The following TAAR1 variants were observed in gnomAD, a reference collection of about 807,000 sequenced individuals.
TAAR1 encodes trace amine-associated receptor 1.
Under a neutral mutation model 1.2 loss-of-function variants are expected in TAAR1, and 1 was observed. The observed-to-expected ratio is 0.81, with a 90% confidence interval of 0.29 to 3.86. The LOEUF is 3.86. TAAR1 is among the 30% of genes most tolerant of loss of function. The pLI is 0.18. For synonymous variants in TAAR1, 153 were observed against 132.2 expected, an observed-to-expected ratio of 1.16 and a Z score of -1.08; for missense variants, 445 against 405.6, an observed-to-expected ratio of 1.10 and a Z score of -0.83.
chr6:132,657,311 T>C (rs908054787), intron 1 of TAAR1, among the ~76,000 whole-genome samples: 1 of 151,998 alleles, frequency 6.6e-6, no homozygotes, highest in Admixed American at 6.5e-5. Context: ...ATCAGCTCCG[T>C]TCAGTGCAAT....
rs1777670227 is a variant in TAAR1 at position 132,646,151 on chromosome 6, T to C, written c.-126-22A>G. ...AAACCTAGGAGGAAAAATAAAAGAG[T>C]AAATCATTGGCAATTTGAGTCCTCT... On this transcript the variant is annotated intron_variant, in intron 1 of 1. Coordinates refer to ENST00000275216, the MANE Select transcript of TAAR1 (RefSeq NM_138327.4). The C allele has an allele frequency of 5.5e-6, 5 of 908,612 alleles. No homozygotes were observed. In the African/African-American group the frequency reaches 6.7e-5, roughly 12 times the overall value. 56.3% of individuals were successfully genotyped at this position (908,612 alleles called of 1,614,324 possible).
chr6:132,646,850 T>C (rs191117415), intron 1 of TAAR1, among the ~76,000 whole-genome samples: 4 of 152,310 alleles, frequency 2.6e-5, no homozygotes, highest in Admixed American at 2.6e-4. Context: ...TCTCAATTAC[T>C]AGTTCAGTTT....
chr6:132,651,875 C>T (rs6903038), intron 1 of TAAR1, among the ~76,000 whole-genome samples: 364 of 152,310 alleles, frequency 2.4e-3, no homozygotes, highest in African/African-American at 8.4e-3. Context: ...GTCAGCCATG[C>T]GCCCCTATCA....
intron 1 of TAAR1, among the ~76,000 whole-genome samples, chr6:132,649,377 G>C (rs73775165): frequency 6.6e-6 from 1 of 151,888 alleles, no homozygotes; most frequent in African/African-American, 2.4e-5. Context: ...ATATGATCTG[G>C]AGAAAGAGTA....
At chr6:132,647,929 A>AT (rs1213728928) in intron 1 of TAAR1, among the ~76,000 whole-genome samples, 75 of 152,180 alleles carry the variant, frequency 4.9e-4, no homozygotes, top group African/African-American at 1.8e-3. Context: ...AATTTGGAAC[A>AT]TTTTTCCCCT....
intron 1 of TAAR1, among the ~76,000 whole-genome samples, chr6:132,647,646 AAGAAAGAAAGAAAGAAAGAAAG>A (rs1243034872): frequency 1.3e-5 from 2 of 148,826 alleles, no homozygotes; most frequent in African/African-American, 5.0e-5. Flanking sequence ...GAAAGAAAGA[AAGAAAGAAAGAAAGAAAGAAAG>A]AAAGAAAGAA....
In TAAR1 at chr6:132,645,631, C is replaced by A; in HGVS notation, c.373G>T (p.Val125Leu). 1 of 1,613,606 alleles carries A rather than the reference C, an allele frequency of 6.2e-7. No individual in the cohort carries two copies. Reference protein sequence around the residue: ...SFISIDRYYAVCDPLRYKAKM... With the variant: ...SFISIDRYYALCDPLRYKAKM... Reference sequence around the variant, plus strand: ...GCTTTATATCTCAGTGGATCACACACAGCATAGTAGCGGTCAATGGAGATG... The same window carrying A: ...GCTTTATATCTCAGTGGATCACACAAAGCATAGTAGCGGTCAATGGAGATG... The change falls in exon 2 of 2, where the codon GTG (valine) becomes TTG (leucine). Residue 125 changes from valine (V) to leucine (L), a missense_variant. Coordinates refer to ENST00000275216, the MANE Select transcript of TAAR1 (RefSeq NM_138327.4).
At chr6:132,657,062 T>C (rs757352549) in intron 1 of TAAR1, among the ~76,000 whole-genome samples, 1 of 152,142 alleles carries the variant, frequency 6.6e-6, no homozygotes, top group Non-Finnish European at 1.5e-5. Context: ...TATGACACAA[T>C]ACAATGCTTG....
intron 1 of TAAR1, among the ~76,000 whole-genome samples, chr6:132,655,672 C>T (rs1046763545): frequency 1.3e-5 from 2 of 152,122 alleles, no homozygotes; most frequent in Non-Finnish European, 2.9e-5. Context: ...CTAACAGTAT[C>T]ACTCCGATTG....
In TAAR1 at chr6:132,645,990, C is replaced by G. The variant is rs1254354198; in HGVS notation, c.14G>C (p.Cys5Ser). The change falls in exon 2 of 2, where the codon TGC (cysteine) becomes TCC (serine). Residue 5 changes from cysteine (C) to serine (S), a missense_variant. Physicochemically the swap from Cys to Ser is moderately radical, Grantham distance 112. Coordinates refer to ENST00000275216, the MANE Select transcript of TAAR1 (RefSeq NM_138327.4). MMPF[C>S]HNIINISCVK... ...ACAGGAAATATTAATTATATTGTGG[C>G]AAAAGGGCATCATTCCTGAGGGCTG... 3.8e-6 allele frequency: 6 copies of G among 1,595,248 alleles called. No individual in the cohort carries two copies. Among genetic ancestry groups the G allele is most frequent in the Non-Finnish European group, 5.1e-6 (6 of 1,168,236 alleles).
At chr6:132,650,497 T>C (rs1777738296) in intron 1 of TAAR1, among the ~76,000 whole-genome samples, 1 of 152,186 alleles carries the variant, frequency 6.6e-6, no homozygotes, top group African/African-American at 2.4e-5. Flanking sequence ...CCTACTCCAT[T>C]TCCCTGTTAC....
intron 1 of TAAR1, among the ~76,000 whole-genome samples, chr6:132,654,814 C>T (rs1406146277): frequency 6.6e-6 from 1 of 152,096 alleles, no homozygotes; most frequent in African/African-American, 2.4e-5. Flanking sequence ...ATGACCTCTG[C>T]ACAAATTAAG....
intron 1 of TAAR1, among the ~76,000 whole-genome samples, chr6:132,650,136 G>A (rs1777734637): frequency 6.6e-6 from 1 of 152,152 alleles, no homozygotes; most frequent in African/African-American, 2.4e-5. Context: ...TTGGTTTCAA[G>A]CTTCACATCC....
chr6:132,649,203 T>C (rs187952096), intron 1 of TAAR1, among the ~76,000 whole-genome samples: 1 of 152,184 alleles, frequency 6.6e-6, no homozygotes, highest in African/African-American at 2.4e-5. Context: ...AAGAGTGCCC[T>C]TGGGGACTCA....
Position 132,644,488 on chromosome 6 carries a change from A to G in TAAR1, c.*496T>C. On this transcript the variant is annotated 3_prime_UTR_variant, in exon 2 of 2. Transcript: ENST00000275216. ...GAAGATCAAGATATTTAAGGATTGG[A>G]ATATATATTAACAATACAAATAAAT... 6.6e-6 allele frequency among the ~76,000 whole-genome samples: 1 copy of G among 152,150 alleles called. No homozygotes were observed. The highest frequency in any genetic ancestry group is 2.1e-4 in the South Asian group (1 of 4,828).
Position 132,645,796 on chromosome 6 carries a change from A to G in TAAR1, c.208T>C (p.Phe70Leu). Residue 70 changes from phenylalanine (F) to leucine (L), a missense_variant, in exon 2 of 2, where the codon TTT (phenylalanine) becomes CTT (leucine). Physicochemically the swap from Phe to Leu is conservative, Grantham distance 22. Coordinates refer to ENST00000275216, the MANE Select transcript of TAAR1 (RefSeq NM_138327.4). ...GGCATGACCAGACACCCCAGAAGAA[A>G]GTCCACAGTGGCCATGGAATGAATG... ...WLIHSMATVD[F>L]LLGCLVMPYS... 1 of 1,613,752 alleles carries G rather than the reference A, an allele frequency of 6.2e-7. No individual in the cohort carries two copies. Among genetic ancestry groups the G allele is most frequent in the Non-Finnish European group, 8.5e-7 (1 of 1,179,816 alleles).
rs1034718865 is a variant in TAAR1, at chr6:132,644,887, TA to T, written c.*96del. On this transcript the variant is annotated 3_prime_UTR_variant, in exon 2 of 2. Coordinates refer to ENST00000275216, the MANE Select transcript of TAAR1 (RefSeq NM_138327.4). ...CATACTTTGACTCAAGTAACTGATT[TA>T]AAAAAAAATCCATGTGGTTGGTGCA... The T allele has an allele frequency of 2.5e-4, 252 of 1,010,980 alleles. No homozygotes were observed. Among genetic ancestry groups the T allele is most frequent in the Middle Eastern group, 6.5e-4 (2 of 3,074 alleles). The allele number at this position is 1,010,980 out of a possible 1,614,324, so 62.6% of individuals were successfully genotyped here.
intron 1 of TAAR1, among the ~76,000 whole-genome samples, chr6:132,651,800 C>T (rs1777752359): frequency 6.6e-6 from 1 of 152,174 alleles, no homozygotes; most frequent in Non-Finnish European, 1.5e-5. Context: ...AATGGTAGAA[C>T]ATGAGTCTCA....
chr6:132,645,596 A>G lies in TAAR1; in HGVS notation c.408T>C (p.Asn136=), dbSNP rs767285796. The G allele has an allele frequency of 6.2e-7, 1 of 1,613,692 alleles. No individual in the cohort carries two copies. The highest frequency in any genetic ancestry group is 2.2e-5 in the East Asian group (1 of 44,844). ...CDPLRYKAKM[N]ILVICVMIFI... is the part of the protein sequence containing the mutation. ...AGATCATCACACAAATAACCAAGAT[A>G]TTCATCTTGGCTTTATATCTCAGTG... Residue 136 remains asparagine (N), a synonymous_variant, in exon 2 of 2, where the codon AAT becomes AAC. Coordinates refer to ENST00000275216, the MANE Select transcript of TAAR1 (RefSeq NM_138327.4).
Sources: gnomAD v4.1 joint callset for allele counts (sites outside exome capture counted in the v4.1 genomes callset) on GRCh38, gnomAD v4.1.1 for gene constraint, MANE v1.5 for transcripts, NCBI Gene and HGNC (gene_info 2026-07-23, HGNC 2026-07-21) for gene names.